The following FAF1 variants were observed in gnomAD, a reference collection of about 807,000 sequenced individuals.
The protein encoded by FAF1 is Fas associated factor 1.
Under a neutral mutation model 92.5 loss-of-function variants are expected in FAF1, and 25 were observed. The observed-to-expected ratio is 0.27, with a 90% CI of 0.20 to 0.38. FAF1 has a LOEUF of 0.38. Among genes scored for constraint, FAF1 ranks in the 10% least tolerant of loss-of-function variants. FAF1 has a pLI of 1.00. For synonymous variants in FAF1, 234 were observed against 273.2 expected (o/e 0.86, Z 1.42); for missense variants, 636 against 793.3 (o/e 0.80, Z 2.38).
At chr1:50,447,496 A>G (rs1557948515) in intron 18 of FAF1, among the ~76,000 whole-genome samples, 1 of 152,196 alleles carries the variant, frequency 6.6e-6, no homozygotes, top group Non-Finnish European at 1.5e-5. Flanking sequence ...AGCTCTTGTT[A>G]CCAAATTTTG....
intron 1 of FAF1, among the ~76,000 whole-genome samples, chr1:50,938,837 C>G (rs1196360503): frequency 1.3e-5 from 2 of 152,142 alleles, no homozygotes; most frequent in African/African-American, 4.8e-5. Context: ...GGGGTCCTCT[C>G]CTCATTGTTT....
intron 1 of FAF1, among the ~76,000 whole-genome samples, chr1:50,889,950 A>T (rs1435045231): frequency 3.9e-5 from 6 of 152,148 alleles, no homozygotes; most frequent in Non-Finnish European, 8.8e-5. Context: ...GATCTGTCTA[A>T]TGTTGACAGT....
intron 2 of FAF1, among the ~76,000 whole-genome samples, chr1:50,838,772 A>T (rs1268389297): frequency 6.6e-6 from 1 of 152,038 alleles, no homozygotes; most frequent in Non-Finnish European, 1.5e-5. Context: ...TGATAACTAT[A>T]AAGAACACAT....
chr1:50,466,052 C>T (rs1459253888), intron 18 of FAF1, among the ~76,000 whole-genome samples: 2 of 151,990 alleles, frequency 1.3e-5, no homozygotes, highest in African/African-American at 2.4e-5. Flanking sequence ...AAAAAAAAAT[C>T]GCTGTCTTTT....
In FAF1 at chr1:50,693,962, A is replaced by T. The variant is rs143436728; in HGVS notation, c.657+11824T>A. 1.2e-3 allele frequency among the ~76,000 whole-genome samples: 170 copies of T among 142,420 alleles called. 3 individuals are homozygous for T. The East Asian group carries it at 0.025, about 21-fold the overall frequency. The allele number at this position is 142,420 out of a possible 152,430, so 93.4% of individuals were successfully genotyped here. A position where few individuals can be genotyped will look rare whatever the true frequency, so the allele number is the denominator to read the frequency against. On this transcript the variant is annotated intron_variant, in intron 7 of 18. Coordinates refer to ENST00000396153, the MANE Select transcript of FAF1 (RefSeq NM_007051.3). ...ATATTTACTATATTTCTGATATTTCAAATTTCAAGCAAAGTGATCTATATG... is the reference window on the plus strand; with the variant it reads ...ATATTTACTATATTTCTGATATTTCTAATTTCAAGCAAAGTGATCTATATG...
chr1:50,702,665 A>G (rs970616839), intron 7 of FAF1, among the ~76,000 whole-genome samples: 5 of 152,136 alleles, frequency 3.3e-5, no homozygotes, highest in Non-Finnish European at 7.4e-5. Context: ...AAAACCCTCA[A>G]TAACTAACTG....
At chr1:50,587,693 A>C (rs981119181) in intron 9 of FAF1, among the ~76,000 whole-genome samples, 4 of 152,226 alleles carry the variant, frequency 2.6e-5, no homozygotes, top group African/African-American at 9.6e-5. Context: ...AACATTTACA[A>C]ATCACTGTTA....
At chr1:50,578,909 T>C (rs1188950197) in intron 12 of FAF1, among the ~76,000 whole-genome samples, 1 of 152,078 alleles carries the variant, frequency 6.6e-6, no homozygotes, top group Non-Finnish European at 1.5e-5. Flanking sequence ...AAACTGTACA[T>C]AAACTGTTGA....
At chr1:50,535,667 G>A (rs926131891) in intron 14 of FAF1, among the ~76,000 whole-genome samples, 1 of 152,036 alleles carries the variant, frequency 6.6e-6, no homozygotes, top group South Asian at 2.1e-4. Context: ...TTGAAATTTC[G>A]GAAGTTATAT....
chr1:50,740,488 C>A (rs1659338744), intron 5 of FAF1, among the ~76,000 whole-genome samples: 1 of 152,086 alleles, frequency 6.6e-6, no homozygotes, highest in African/African-American at 2.4e-5. Flanking sequence ...GAGACTTACT[C>A]TTGACTCATA....
chr1:50,736,871 T>A (rs533418950), intron 6 of FAF1, among the ~76,000 whole-genome samples: 1 of 146,394 alleles, frequency 6.8e-6, no homozygotes, highest in East Asian at 1.9e-4. Flanking sequence ...CTGCATGGAT[T>A]TTGTTTTGTT....
chr1:50,569,715 T>G (rs1296217292), intron 12 of FAF1, among the ~76,000 whole-genome samples: 1 of 152,196 alleles, frequency 6.6e-6, no homozygotes, highest in Non-Finnish European at 1.5e-5. Flanking sequence ...TCAAGAACAC[T>G]GCAATGGAAC....
rs530797240 is a variant in FAF1 at position 50,885,398 on chromosome 1, A to G, written c.46-27401T>C. 2.0e-5 allele frequency among the ~76,000 whole-genome samples: 3 copies of G among 151,640 alleles called. No homozygotes were observed. In the East Asian group the frequency reaches 5.8e-4, roughly 29 times the overall value. The stretch of plus-strand genomic sequence containing the variant: ...AGTGTTAGATGCATATATATTCACA[A>G]TTGTTATGGCCTCGCTGAACTGAGC... On this transcript the variant is annotated intron_variant, in intron 1 of 18. Coordinates refer to ENST00000396153, the MANE Select transcript of FAF1 (RefSeq NM_007051.3).
intron 5 of FAF1, among the ~76,000 whole-genome samples, chr1:50,740,141 A>C (rs138108920): frequency 6.4e-4 from 98 of 152,244 alleles, no homozygotes; most frequent in African/African-American, 2.1e-3. Context: ...GGGAGCTTAC[A>C]TTTGAGTAGG....
chr1:50,459,701 A>G (rs1646401617), intron 18 of FAF1, among the ~76,000 whole-genome samples: 1 of 152,134 alleles, frequency 6.6e-6, no homozygotes, highest in South Asian at 2.1e-4. Context: ...TTCTAGTGCA[A>G]TAGTCATATC....
intron 1 of FAF1, among the ~76,000 whole-genome samples, chr1:50,860,744 T>C (rs892073415): frequency 6.6e-6 from 1 of 151,028 alleles, no homozygotes; most frequent in African/African-American, 2.4e-5. Flanking sequence ...ATGTATATAT[T>C]AAAAAAAAAT....
At chr1:50,787,868 T>C (rs576521539) in intron 4 of FAF1, 132 bp downstream of exon 4, 1 of 672,466 alleles carries the variant, frequency 1.5e-6, no homozygotes, top group African/African-American at 1.8e-5. Context: ...TAATCAGTAT[T>C]GGAAAGTTAC....
chr1:50,570,646 C>G (rs983338507), intron 12 of FAF1, among the ~76,000 whole-genome samples: 7 of 152,124 alleles, frequency 4.6e-5, no homozygotes, highest in Non-Finnish European at 1.0e-4. Context: ...AAAAGGAAAA[C>G]TAATAATTTT....
At chr1:50,518,295 T>C (rs1284783319) in intron 15 of FAF1, among the ~76,000 whole-genome samples, 1 of 152,272 alleles carries the variant, frequency 6.6e-6, no homozygotes, top group Non-Finnish European at 1.5e-5. Context: ...ATCAAAAGTT[T>C]GCTCCTTTTT....
Sources: gnomAD v4.1 joint callset for allele counts (sites outside exome capture counted in the v4.1 genomes callset) on GRCh38, gnomAD v4.1.1 for gene constraint, MANE v1.5 for transcripts, NCBI Gene and HGNC (gene_info 2026-07-23, HGNC 2026-07-21) for gene names.